The following FAM135B variants were observed in gnomAD, a reference collection of about 807,000 sequenced individuals.
The protein encoded by FAM135B is protein FAM135B.
FAM135B carries 43 observed loss-of-function variants against 127.7 expected under a neutral mutation model. The ratio of observed to expected loss-of-function variants is 0.34; its 90% CI spans 0.26 to 0.43. The LOEUF is 0.43. FAM135B is among the 20% of genes least tolerant of loss of function. The pLI is 1.00. For synonymous variants in FAM135B, 670 were observed against 665.1 expected (o/e 1.01, Z -0.11); for missense variants, 1,558 against 1,725.6 (o/e 0.90, Z 1.72).
intron 2 of FAM135B, among the ~76,000 whole-genome samples, chr8:138,348,903 T>C (rs537729197): frequency 6.8e-4 from 104 of 152,356 alleles, no homozygotes; most frequent in African/African-American, 2.4e-3. Flanking sequence ...GTGCCCAGTG[T>C]CCTGGACTTT....
chr8:138,299,568 T>TACATAC (rs71582009), intron 3 of FAM135B, among the ~76,000 whole-genome samples: 40,650 of 150,538 alleles, frequency 0.27, 5,920 homozygotes, highest in South Asian at 0.42. Flanking sequence ...CATGCATGTA[T>TACATAC]ACATACACAT....
At chr8:138,190,982 TA>T (rs1331086839) in intron 9 of FAM135B, among the ~76,000 whole-genome samples, 1 of 152,194 alleles carries the variant, frequency 6.6e-6, no homozygotes, top group African/African-American at 2.4e-5. Context: ...AACCAAGCTA[TA>T]GCCTGACCAC....
In FAM135B at chr8:138,132,467, C is replaced by T. The variant is rs1045863060; in HGVS notation, c.*126G>A. On this transcript the variant is annotated 3_prime_UTR_variant, in exon 20 of 20. Transcript: ENST00000395297. This position sits in a 1 kb window ranked among gnomAD's most constrained non-coding sequence, Gnocchi z 4.5. ...AAAGCACCTCTCATGTCAGGTTCCA[C>T]CCGAGCCTCCGTCCCCCAATGCTGT... 2.6e-6 allele frequency: 2 copies of T among 767,520 alleles called. No homozygotes were observed. The highest frequency in any genetic ancestry group is 4.4e-6 in the Non-Finnish European group (2 of 458,644). 47.5% of individuals were successfully genotyped at this position (767,520 alleles called of 1,614,324 possible). A position where few individuals can be genotyped will look rare whatever the true frequency, so the allele number is the denominator to read the frequency against.
intron 2 of FAM135B, among the ~76,000 whole-genome samples, chr8:138,312,094 G>A (rs572554793): frequency 2.9e-4 from 44 of 152,110 alleles, no homozygotes; most frequent in African/African-American, 1.0e-3. Context: ...CTAGAGGCAC[G>A]CACCACCACG....
At chr8:138,466,433 C>G (rs978150927) in intron 1 of FAM135B, among the ~76,000 whole-genome samples, 1 of 152,112 alleles carries the variant, frequency 6.6e-6, no homozygotes, top group Non-Finnish European at 1.5e-5. Flanking sequence ...GAGACGAGAG[C>G]AGGAACAAAT....
Position 138,294,493 on chromosome 8 carries a change from C to A in FAM135B, c.157+16348G>T, listed in dbSNP as rs1408118295. Among the ~76,000 whole-genome samples the A allele has an allele frequency of 3.3e-5, 5 of 151,862 alleles. No homozygotes were observed. The East Asian group carries it at 5.8e-4, about 18-fold the overall frequency. Reference sequence around the variant, plus strand: ...AATAAAGCTAGAAAAACAAAACAAACCAAAAAGCTGTCCACATCATCATTC... The same window carrying A: ...AATAAAGCTAGAAAAACAAAACAAAACAAAAAGCTGTCCACATCATCATTC... On this transcript the variant is annotated intron_variant, in intron 3 of 19. Coordinates refer to ENST00000395297, the MANE Select transcript of FAM135B (RefSeq NM_015912.4).
At chr8:138,253,452 G>T (rs1314338378) in intron 5 of FAM135B, among the ~76,000 whole-genome samples, 1 of 152,126 alleles carries the variant, frequency 6.6e-6, no homozygotes, top group Non-Finnish European at 1.5e-5. Flanking sequence ...TCTACGATGT[G>T]AAGCAGCATC....
At chr8:138,455,070 G>C (rs1433682278) in intron 1 of FAM135B, among the ~76,000 whole-genome samples, 5 of 152,190 alleles carry the variant, frequency 3.3e-5, no homozygotes, top group African/African-American at 1.2e-4. Flanking sequence ...GTAAATGTGG[G>C]AACTGAGTGT....
intron 12 of FAM135B, among the ~76,000 whole-genome samples, chr8:138,157,507 G>T (rs1015566141): frequency 2.0e-5 from 3 of 152,146 alleles, no homozygotes; most frequent in African/African-American, 7.2e-5. Flanking sequence ...AAGTCAAATT[G>T]TCTCTGTTTG....
chr8:138,266,182 C>T (rs921491425), intron 3 of FAM135B, among the ~76,000 whole-genome samples: 11 of 152,138 alleles, frequency 7.2e-5, no homozygotes, highest in African/African-American at 2.2e-4. Context: ...CATAAACCTC[C>T]TCTCCCAGAA....
intron 3 of FAM135B, among the ~76,000 whole-genome samples, chr8:138,296,778 AC>A (rs1793643908): frequency 6.6e-6 from 1 of 152,088 alleles, no homozygotes; most frequent in Non-Finnish European, 1.5e-5. Context: ...ATTCATTTTT[AC>A]CCCCCAGGGT....
intron 7 of FAM135B, among the ~76,000 whole-genome samples, chr8:138,227,972 A>C (rs1819600635): frequency 6.6e-6 from 1 of 152,066 alleles, no homozygotes; most frequent in African/African-American, 2.4e-5. Flanking sequence ...AAGGCAACCT[A>C]ATAGAATATG....
intron 4 of FAM135B, among the ~76,000 whole-genome samples, chr8:138,264,443 G>A (rs1298312327): frequency 6.6e-6 from 1 of 152,202 alleles, no homozygotes; most frequent in East Asian, 1.9e-4. Context: ...GGCCTCCAGT[G>A]AGGGTGCAAA....
chr8:138,149,730 C>A (rs1038972255), intron 13 of FAM135B, among the ~76,000 whole-genome samples: 2 of 152,086 alleles, frequency 1.3e-5, no homozygotes, highest in African/African-American at 4.8e-5. Flanking sequence ...GGAAGCTTTG[C>A]CTGGCTGCTA....
intron 1 of FAM135B, among the ~76,000 whole-genome samples, chr8:138,479,925 G>A (rs1412255895): frequency 6.6e-6 from 1 of 152,110 alleles, no homozygotes; most frequent in Non-Finnish European, 1.5e-5. Flanking sequence ...ACTACCTCCT[G>A]ATGTTTATCC....
rs183575356 is a variant in FAM135B at position 138,148,285 on chromosome 8, G to A, written c.3448+235C>T. Reference sequence around the variant, plus strand: ...ATTGATTTATTCCATTCACTCCTTCGCTACATTTATTCATTCATTCATGTA... The same window carrying A: ...ATTGATTTATTCCATTCACTCCTTCACTACATTTATTCATTCATTCATGTA... On this transcript the variant is annotated intron_variant, in intron 14 of 19. Transcript: ENST00000395297. Among the ~76,000 whole-genome samples, 326 of 151,308 alleles carry A rather than the reference G, an allele frequency of 2.2e-3. 1 individual carries two copies. In the South Asian group the frequency reaches 0.023, roughly 11 times the overall value.
In FAM135B at chr8:138,142,285, CTTCTT is replaced by C. The variant is rs1817240986; in HGVS notation, c.3638+722_3638+726del. ...TTGGGGTGGGCAACTCATTCTGCTTCTTCTTTTTTTTTTTTTTTTTTTTTTTTTTT... is the reference window on the plus strand; with the variant it reads ...TTGGGGTGGGCAACTCATTCTGCTTCTTTTTTTTTTTTTTTTTTTTTTTTT... On this transcript the variant is annotated intron_variant, in intron 16 of 19. Coordinates refer to ENST00000395297, the MANE Select transcript of FAM135B (RefSeq NM_015912.4). 4.2e-4 allele frequency among the ~76,000 whole-genome samples: 42 copies of C among 99,946 alleles called. 2 individuals are homozygous for C. The highest frequency in any genetic ancestry group is 6.8e-3 in the Middle Eastern group (1 of 146). The allele number at this position is 99,946 out of a possible 152,430, so 65.6% of individuals were successfully genotyped here. A position where few individuals can be genotyped will look rare whatever the true frequency, so the allele number is the denominator to read the frequency against.
intron 2 of FAM135B, among the ~76,000 whole-genome samples, chr8:138,361,695 C>T (rs1425533436): frequency 3.3e-5 from 5 of 152,184 alleles, no homozygotes; most frequent in Admixed American, 2.0e-4. Context: ...CTCTCACCTC[C>T]GCCCACTCCC....
chr8:138,259,691 G>A (rs1017557784), intron 4 of FAM135B, among the ~76,000 whole-genome samples: 6 of 152,088 alleles, frequency 3.9e-5, no homozygotes, highest in South Asian at 2.1e-4. Context: ...TACGACTTCC[G>A]GGTGGTATGA....
Sources: allele counts gnomAD v4.1 joint callset (sites outside exome capture counted in the v4.1 genomes callset), GRCh38; gene constraint gnomAD v4.1.1; non-coding constraint Gnocchi (gnomAD v3.1); transcripts MANE v1.5; gene names NCBI Gene and HGNC (gene_info 2026-07-23, HGNC 2026-07-21).